The following HERPUD2 variants were observed in gnomAD, a reference collection of about 807,000 sequenced individuals.
The protein encoded by HERPUD2 is HERPUD family member 2.
In HERPUD2, 13 loss-of-function variants were observed where a neutral mutation model predicts 49.9. The ratio of observed to expected loss-of-function variants is 0.26; its 90% CI spans 0.17 to 0.41. HERPUD2 has a LOEUF of 0.41. Among genes scored for constraint, HERPUD2 ranks in the 10% least tolerant of loss-of-function variants. The probability of loss-of-function intolerance (pLI) is 1.00; values close to 1 mark genes in which losing one functional copy is unlikely to be tolerated. For synonymous variants in HERPUD2, 172 were observed against 171.4 expected (o/e 1.00, Z -0.03); for missense variants, 449 against 492.2 (o/e 0.91, Z 0.83).
chr7:35,637,711 C>T (rs574745539), intron 6 of HERPUD2, among the ~76,000 whole-genome samples: 27 of 152,078 alleles, frequency 1.8e-4, no homozygotes, highest in African/African-American at 6.3e-4. Flanking sequence ...CTGAGAAGCA[C>T]GTAGTAACAA....
At chr7:35,634,087 A>G (rs1174978548) in intron 8 of HERPUD2, among the ~76,000 whole-genome samples, 1 of 152,226 alleles carries the variant, frequency 6.6e-6, no homozygotes, top group Non-Finnish European at 1.5e-5. Flanking sequence ...GCTATTTTCA[A>G]GAAAAAAAAA....
intron 4 of HERPUD2, among the ~76,000 whole-genome samples, chr7:35,667,947 T>C (rs539986819): frequency 3.5e-4 from 53 of 152,304 alleles, no homozygotes; most frequent in African/African-American, 1.3e-3. Context: ...GCCTAACACA[T>C]ACATTTATTG....
intron 2 of HERPUD2, among the ~76,000 whole-genome samples, chr7:35,693,303 T>A (rs2116067374): frequency 6.6e-6 from 1 of 152,354 alleles, no homozygotes; most frequent in Non-Finnish European, 1.5e-5. Flanking sequence ...TAAACTAATG[T>A]CCATGTATCC....
rs140037281 is a variant in HERPUD2 at position 35,678,038 on chromosome 7, A to T, written c.148-4760T>A. The stretch of plus-strand genomic sequence containing the variant: ...AGAACACAAAGCCTACTGAGTATTC[A>T]GTTAACATCAGGTGCAAATTTCTAG... On this transcript the variant is annotated intron_variant, in intron 2 of 8. Transcript: ENST00000311350. 3.2e-3 allele frequency among the ~76,000 whole-genome samples: 483 copies of T among 152,330 alleles called. 2 individuals are homozygous for T. The highest frequency in any genetic ancestry group is 0.011 in the African/African-American group (461 of 41,582).
chr7:35,674,909 T>G (rs1785727787), intron 2 of HERPUD2, among the ~76,000 whole-genome samples: 1 of 152,148 alleles, frequency 6.6e-6, no homozygotes, highest in Non-Finnish European at 1.5e-5. Context: ...TCCATTTGTA[T>G]CCTTTGTAAT....
At chr7:35,634,480 T>G (rs754752340) in intron 7 of HERPUD2, 51 bp from the exon 8 acceptor site, 2 of 1,114,912 alleles carry the variant, frequency 1.8e-6, no homozygotes, top group Non-Finnish European at 2.7e-6. Flanking sequence ...TGTTTTTATT[T>G]GTAACACTAT....
intron 5 of HERPUD2, among the ~76,000 whole-genome samples, chr7:35,647,563 A>T (rs1213461047): frequency 6.6e-6 from 1 of 151,716 alleles, no homozygotes; most frequent in African/African-American, 2.4e-5. Context: ...TCTGACGGGT[A>T]GATCTGACCA....
chr7:35,659,013 C>A (rs1448243967), intron 5 of HERPUD2, among the ~76,000 whole-genome samples: 1 of 152,184 alleles, frequency 6.6e-6, no homozygotes, highest in East Asian at 1.9e-4. Context: ...GAGCAATTTT[C>A]AGTTTTAATA....
intron 5 of HERPUD2, among the ~76,000 whole-genome samples, chr7:35,660,448 G>A (rs1170533832): frequency 3.9e-5 from 6 of 152,080 alleles, no homozygotes; most frequent in East Asian, 1.9e-4. Context: ...TTGAGGAATC[G>A]CCACACTGTC....
At chr7:35,668,362 A>G (rs1464572559) in intron 4 of HERPUD2, among the ~76,000 whole-genome samples, 1 of 152,192 alleles carries the variant, frequency 6.6e-6, no homozygotes, top group East Asian at 1.9e-4. Flanking sequence ...TTCAGTAACC[A>G]TAAACAATAT....
intron 2 of HERPUD2, among the ~76,000 whole-genome samples, chr7:35,687,718 G>C (rs985430329): frequency 3.3e-5 from 5 of 152,140 alleles, no homozygotes; most frequent in Non-Finnish European, 5.9e-5. Flanking sequence ...GAAAGTGTCT[G>C]ACCCTTTAAT....
At chr7:35,639,124 A>C (rs1263707567) in intron 5 of HERPUD2, among the ~76,000 whole-genome samples, 1 of 150,954 alleles carries the variant, frequency 6.6e-6, no homozygotes, top group South Asian at 2.1e-4. Flanking sequence ...TGCCTCCTGG[A>C]TTCAAGCAAT....
At chr7:35,634,141 T>C (rs1200845078) in intron 8 of HERPUD2, among the ~76,000 whole-genome samples, 171 bp downstream of exon 8, 1 of 152,252 alleles carries the variant, frequency 6.6e-6, no homozygotes, top group African/African-American at 2.4e-5. Flanking sequence ...TGATTCAGTA[T>C]AATATTCTAA....
intron 5 of HERPUD2, among the ~76,000 whole-genome samples, chr7:35,659,660 A>C (rs188558840): frequency 2.8e-4 from 42 of 152,322 alleles, no homozygotes; most frequent in African/African-American, 8.4e-4. Context: ...CAGATTCACA[A>C]GATTCAAACC....
chr7:35,634,221 T>G, intron 8 of HERPUD2, 91 bp downstream of exon 8: 1 of 809,840 alleles, frequency 1.2e-6, no homozygotes, highest in Admixed American at 2.1e-5. Context: ...CAAATACTTA[T>G]GGAACATCCA....
At chr7:35,665,458 C>A (rs973438526) in intron 5 of HERPUD2, among the ~76,000 whole-genome samples, 1 of 152,230 alleles carries the variant, frequency 6.6e-6, no homozygotes, top group East Asian at 1.9e-4. Context: ...TTTGCTAAGG[C>A]CATTGGAAAA....
chr7:35,657,622 A>G (rs2115907134), intron 5 of HERPUD2, among the ~76,000 whole-genome samples: 1 of 150,254 alleles, frequency 6.7e-6, no homozygotes, highest in South Asian at 2.1e-4. Flanking sequence ...AAAAAAAAAA[A>G]AAAGGCCGGG....
At chr7:35,686,714 G>A (rs1367393000) in intron 2 of HERPUD2, among the ~76,000 whole-genome samples, 5 of 16,586 alleles carry the variant, frequency 3.0e-4, no homozygotes, top group South Asian at 4.4e-3. Flanking sequence ...ACGACACTCC[G>A]TCTCAAAAAA....
At chr7:35,674,258 A>G (rs187914960) in intron 2 of HERPUD2, among the ~76,000 whole-genome samples, 2 of 151,454 alleles carry the variant, frequency 1.3e-5, no homozygotes, top group East Asian at 3.9e-4. Flanking sequence ...ACCATTACAC[A>G]TATTCCAGTT....
Sources: allele counts gnomAD v4.1 joint callset (sites outside exome capture counted in the v4.1 genomes callset), GRCh38; gene constraint gnomAD v4.1.1; transcripts MANE v1.5; gene names NCBI Gene and HGNC (gene_info 2026-07-23, HGNC 2026-07-21).